ACACA: variants seen among roughly 807,000 people sequenced by gnomAD.
ACACA encodes acetyl-CoA carboxylase 1.
Under a neutral mutation model 296.1 loss-of-function variants are expected in ACACA, and 103 were observed. The ratio of observed to expected loss-of-function variants is 0.35; its 90% CI spans 0.30 to 0.41. ACACA has a LOEUF of 0.41. Among genes scored for constraint, ACACA ranks in the 10% least tolerant of loss-of-function variants. The pLI is 1.00. For synonymous variants in ACACA, 953 were observed against 1,038.6 expected, an observed-to-expected ratio of 0.92 and a Z score of 1.58; for missense variants, 1,554 against 2,989.7, an observed-to-expected ratio of 0.52 and a Z score of 11.20.
At chr17:37,284,376 C>A (rs1256674110) in intron 4 of ACACA, among the ~76,000 whole-genome samples, 2 of 152,210 alleles carry the variant, frequency 1.3e-5, no homozygotes, top group Non-Finnish European at 2.9e-5. Flanking sequence ...CCAGCACCCA[C>A]AAGCTAATCA....
chr17:37,325,579 C>CTTTTTTTTTTTTTTTTTTTTTTTTTTT (rs1156553256), intron 3 of ACACA, among the ~76,000 whole-genome samples: 2 of 67,922 alleles, frequency 2.9e-5, no homozygotes, highest in African/African-American at 1.4e-4. Context: ...TCTTTTCTTT[C>CTTTTTTTTTTTTTTTTTTTTTTTTTTT]TTTTTTTTTT....
At chr17:37,118,071 A>T (rs926119926) in intron 50 of ACACA, among the ~76,000 whole-genome samples, 14 of 151,892 alleles carry the variant, frequency 9.2e-5, no homozygotes, top group African/African-American at 3.4e-4. Flanking sequence ...ATAATACAAC[A>T]CCCTGACCTG....
At chr17:37,124,011 G>A (rs1270439015) in intron 48 of ACACA, among the ~76,000 whole-genome samples, 1 of 152,168 alleles carries the variant, frequency 6.6e-6, no homozygotes, top group Admixed American at 6.5e-5. Context: ...TTTATAGTGT[G>A]TCCCTGGACA....
intron 3 of ACACA, chr17:37,289,490 T>C: frequency 7.4e-7 from 1 of 1,352,016 alleles, no homozygotes; most frequent in Non-Finnish European, 9.8e-7. Context: ...TTCAACCCTC[T>C]AGGCACCTCC....
intron 3 of ACACA, among the ~76,000 whole-genome samples, chr17:37,320,525 A>G (rs754751448): frequency 6.6e-6 from 1 of 151,554 alleles, no homozygotes; most frequent in African/African-American, 2.4e-5. Flanking sequence ...AAAAAAAAGC[A>G]TATCTGTTAC....
At chr17:37,162,866 G>A (rs537169960) in intron 41 of ACACA, 32 of 165,198 alleles carry the variant, frequency 1.9e-4, no homozygotes, top group Admixed American at 7.0e-4. Context: ...GCTGCACTAC[G>A]ACTCCCGTAG....
At chr17:37,166,205 C>A (rs959885534) in intron 41 of ACACA, among the ~76,000 whole-genome samples, 1 of 152,044 alleles carries the variant, frequency 6.6e-6, no homozygotes, top group Non-Finnish European at 1.5e-5. Context: ...ACAAATACAG[C>A]TCACTGAAGC....
intron 3 of ACACA, among the ~76,000 whole-genome samples, chr17:37,321,356 G>C (rs2047345925): frequency 6.6e-6 from 1 of 152,140 alleles, no homozygotes; most frequent in Non-Finnish European, 1.5e-5. Context: ...TGGGCGTGGT[G>C]GCTCACACCT....
chr17:37,361,638 G>A (rs980079572), intron 1 of ACACA, among the ~76,000 whole-genome samples: 2 of 152,222 alleles, frequency 1.3e-5, no homozygotes, highest in Admixed American at 6.5e-5. Context: ...GGCAGAGAAT[G>A]AGCAAAGAGC....
chr17:37,260,312 TTTTTG>T (rs1567900375), intron 11 of ACACA, among the ~76,000 whole-genome samples: 2 of 104,574 alleles, frequency 1.9e-5, no homozygotes, highest in African/African-American at 4.4e-5. Context: ...TTTTTTTTTT[TTTTTG>T]GAGATGGAGT....
Position 37,277,031 on chromosome 17 carries a change from A to G in ACACA, c.802+2T>C. 2 of 1,612,578 alleles carry G rather than the reference A, an allele frequency of 1.2e-6. No individual in the cohort carries two copies. The highest frequency in any genetic ancestry group is 1.7e-6 in the Non-Finnish European group (2 of 1,178,584). On this transcript the variant is annotated splice_donor_variant, in intron 7 of 55. Transcript: ENST00000616317. LOFTEE classifies it high-confidence loss of function. ...GACGGACAATATGTCAGAACAGCTT[A>G]CCCATGAAGGCAATGCCATTTTTCA...
At chr17:37,374,489 G>A (rs1453226031) in intron 1 of ACACA, among the ~76,000 whole-genome samples, 1 of 152,010 alleles carries the variant, frequency 6.6e-6, no homozygotes. Context: ...GTTTCTCCAT[G>A]TTGGTCAGGC....
chr17:37,330,255 A>T lies in ACACA; in HGVS notation c.256T>A (p.Leu86Met). The change falls in exon 3 of 56, where the codon TTG becomes ATG. Residue 86 changes from leucine to methionine, a missense_variant. By Grantham distance (15) the Leu-to-Met change is conservative. Coordinates refer to ENST00000616317, the MANE Select transcript of ACACA (RefSeq NM_198834.3). ...LDLLEEKEGSLSPASVGSDTL... is the reference protein window; with the variant it reads ...LDLLEEKEGSMSPASVGSDTL... ...TCTGAGCCAACAGAAGCAGGTGACA[A>T]GGAGCCCTCCTTCTCCTCCAGTAGG... 6.2e-7 allele frequency: 1 copy of T among 1,614,218 alleles called. No individual in the cohort carries two copies. Among genetic ancestry groups the T allele is most frequent in the South Asian group, 1.1e-5 (1 of 91,086 alleles).
In ACACA at chr17:37,278,015, C is replaced by T. The variant is rs1333089967; in HGVS notation, c.611-10G>A. On this transcript the variant is annotated splice_polypyrimidine_tract_variant and intron_variant, in intron 5 of 55. Coordinates refer to ENST00000616317, the MANE Select transcript of ACACA (RefSeq NM_198834.3). ...GCCATCTTAATGTATTCTGAAAATG[C>T]AAGCGAATTAATAGAGAACACATGA... 2 of 1,596,048 alleles carry T rather than the reference C, an allele frequency of 1.3e-6. No individual in the cohort carries two copies. Among genetic ancestry groups the T allele is most frequent in the African/African-American group, 1.3e-5 (1 of 74,516 alleles).
At chr17:37,160,626 C>A (rs1210305169) in intron 42 of ACACA, among the ~76,000 whole-genome samples, 1 of 152,038 alleles carries the variant, frequency 6.6e-6, no homozygotes, top group Non-Finnish European at 1.5e-5. Flanking sequence ...GGCATGGGAG[C>A]AGAATGGAGA....
At chr17:37,155,615 A>G (rs1223648893) in intron 43 of ACACA, 68 bp downstream of exon 43, 1 of 1,065,188 alleles carries the variant, frequency 9.4e-7, no homozygotes, top group East Asian at 2.4e-5. Flanking sequence ...GCTGTACAAT[A>G]TGGAAAAAAA....
intron 10 of ACACA, among the ~76,000 whole-genome samples, chr17:37,265,376 C>T (rs1347661076): frequency 2.6e-5 from 4 of 152,162 alleles, no homozygotes; most frequent in Non-Finnish European, 5.9e-5. Flanking sequence ...GACTCACCCC[C>T]TCCCAAGACC....
intron 3 of ACACA, among the ~76,000 whole-genome samples, chr17:37,316,331 A>ACACACACACC (rs2047091876): frequency 1.3e-5 from 2 of 151,644 alleles, no homozygotes; most frequent in Admixed American, 1.3e-4. Flanking sequence ...ACACACACAC[A>ACACACACACC]CACCCCTAAC....
At chr17:37,144,896 A>ATCAC (rs1198416555) in intron 45 of ACACA, among the ~76,000 whole-genome samples, 2 of 152,132 alleles carry the variant, frequency 1.3e-5, no homozygotes, top group Non-Finnish European at 2.9e-5. Flanking sequence ...TCACCTGCAT[A>ATCAC]TCACTGCCTT....
Sources: allele counts gnomAD v4.1 joint callset (sites outside exome capture counted in the v4.1 genomes callset), GRCh38; gene constraint gnomAD v4.1.1; transcripts MANE v1.5; gene names NCBI Gene and HGNC (gene_info 2026-07-23, HGNC 2026-07-21).